The following PPP1R12A variants were observed in gnomAD, a reference collection of about 807,000 sequenced individuals.
The protein encoded by PPP1R12A is myosin binding subunit.
In PPP1R12A, 19 loss-of-function variants were observed where a neutral mutation model predicts 139.6. The observed-to-expected ratio is 0.14, with a 90% CI of 0.09 to 0.20. PPP1R12A has a LOEUF of 0.20. Among genes scored for constraint, PPP1R12A ranks in the 10% least tolerant of loss-of-function variants. The probability of loss-of-function intolerance (pLI) is 1.00; values close to 1 mark genes in which losing one functional copy is unlikely to be tolerated. For synonymous variants in PPP1R12A, 427 were observed against 420.6 expected (o/e 1.02, Z -0.19); for missense variants, 925 against 1,211.5 (o/e 0.76, Z 3.51).
At chr12:79,804,918 ATAGT>A (rs1447878307) in intron 14 of PPP1R12A, among the ~76,000 whole-genome samples, 1 of 152,224 alleles carries the variant, frequency 6.6e-6, no homozygotes, top group African/African-American at 2.4e-5. Context: ...ATCCCAAAAG[ATAGT>A]TAGTAAGCTC....
intron 3 of PPP1R12A, among the ~76,000 whole-genome samples, chr12:79,832,867 T>A (rs1422797449): frequency 1.3e-5 from 2 of 152,336 alleles, no homozygotes; most frequent in South Asian, 4.1e-4. Context: ...TGATCTGTTC[T>A]ATGAAATCTA....
At chr12:79,789,737 G>A in intron 20 of PPP1R12A, 1 of 414,254 alleles carries the variant, frequency 2.4e-6, no homozygotes, top group South Asian at 1.7e-5. Context: ...GGATATAGTG[G>A]AGGTTCTCTG....
At chr12:79,875,951 T>C (rs1883059863) in intron 1 of PPP1R12A, among the ~76,000 whole-genome samples, 1 of 152,102 alleles carries the variant, frequency 6.6e-6, no homozygotes, top group Admixed American at 6.6e-5. Context: ...CAAAAAAGGA[T>C]ATTAATGTCA....
chr12:79,806,001 C>T (rs1291024357), intron 13 of PPP1R12A, among the ~76,000 whole-genome samples, 165 bp downstream of exon 13: 1 of 152,110 alleles, frequency 6.6e-6, no homozygotes, highest in Non-Finnish European at 1.5e-5. Context: ...CTTAAAATTT[C>T]CCCCAGACAT....
intron 14 of PPP1R12A, among the ~76,000 whole-genome samples, chr12:79,799,439 C>T (rs902253135): frequency 2.6e-4 from 40 of 152,168 alleles, no homozygotes; most frequent in Non-Finnish European, 4.6e-4. Flanking sequence ...CGTGGGCCAC[C>T]GCGCCCGGTC....
chr12:79,848,220 T>C (rs777438724), intron 2 of PPP1R12A, among the ~76,000 whole-genome samples: 1 of 152,166 alleles, frequency 6.6e-6, no homozygotes, highest in African/African-American at 2.4e-5. Context: ...TGAAAATGTA[T>C]ATAAAACTAA....
chr12:79,863,662 A>C (rs1418676730), intron 2 of PPP1R12A, among the ~76,000 whole-genome samples: 1 of 148,542 alleles, frequency 6.7e-6, no homozygotes, highest in African/African-American at 2.5e-5. Flanking sequence ...AAAAAAAAAA[A>C]AAAAAAAAAG....
chr12:79,927,205 A>G (rs73350974), intron 1 of PPP1R12A, among the ~76,000 whole-genome samples: 12,025 of 152,080 alleles, frequency 0.079, 1,203 homozygotes, highest in African/African-American at 0.24. Flanking sequence ...ACACATACAC[A>G]CACCACACCC....
intron 24 of PPP1R12A, 30 bp from the exon 25 acceptor site, chr12:79,776,045 T>G: frequency 7.9e-7 from 1 of 1,267,114 alleles, no homozygotes; most frequent in Non-Finnish European, 1.1e-6. Flanking sequence ...AGATCAAGTT[T>G]TACCTTCAAT....
intron 2 of PPP1R12A, among the ~76,000 whole-genome samples, chr12:79,871,779 GA>G (rs777813885): frequency 2.0e-5 from 3 of 152,068 alleles, no homozygotes; most frequent in Non-Finnish European, 2.9e-5. Flanking sequence ...GATTGAGCGG[GA>G]AAAGTACAAA....
At chr12:79,895,324 A>G (rs138526345) in intron 1 of PPP1R12A, among the ~76,000 whole-genome samples, 16 of 148,896 alleles carry the variant, frequency 1.1e-4, no homozygotes, top group East Asian at 1.9e-4. Flanking sequence ...GGGTTCCTGG[A>G]AAAAAAAACA....
At chr12:79,779,258 TG>T in intron 23 of PPP1R12A, 1 of 1,182,556 alleles carries the variant, frequency 8.5e-7, no homozygotes, top group Non-Finnish European at 1.1e-6. Flanking sequence ...ATAAGCATTC[TG>T]GGGTGTTATG....
intron 9 of PPP1R12A, among the ~76,000 whole-genome samples, chr12:79,815,105 G>T (rs1341694136): frequency 6.6e-6 from 1 of 152,096 alleles, no homozygotes; most frequent in Non-Finnish European, 1.5e-5. Flanking sequence ...TTCAGTTAGG[G>T]CATTAGGTAT....
intron 1 of PPP1R12A, among the ~76,000 whole-genome samples, chr12:79,930,644 C>T (rs577009978): frequency 1.5e-4 from 23 of 152,108 alleles, no homozygotes; most frequent in East Asian, 1.4e-3. Flanking sequence ...TGGTGGCACA[C>T]GTCTGTAATC....
intron 1 of PPP1R12A, among the ~76,000 whole-genome samples, chr12:79,925,946 G>A (rs1446351996): frequency 6.6e-6 from 1 of 151,852 alleles, no homozygotes; most frequent in Non-Finnish European, 1.5e-5. Context: ...CTCTTTATTG[G>A]TAGAGACACC....
rs114476192 is a variant in PPP1R12A at position 79,886,882 on chromosome 12, C to T, written c.238-13944G>A. The stretch of plus-strand genomic sequence containing the variant: ...TTACATAGCTCTGTTATTTCCTTTA[C>T]TGATAAAAATCTATAAAGTAGTACA... On this transcript the variant is annotated intron_variant, in intron 1 of 24. Transcript: ENST00000450142. Among the ~76,000 whole-genome samples, 1,037 of 152,190 alleles carry T rather than the reference C, an allele frequency of 6.8e-3. 16 individuals carry two copies. The highest frequency in any genetic ancestry group is 0.024 in the African/African-American group (1,003 of 41,526).
At chr12:79,856,072 C>T (rs1031910231) in intron 2 of PPP1R12A, among the ~76,000 whole-genome samples, 4 of 152,152 alleles carry the variant, frequency 2.6e-5, no homozygotes, top group African/African-American at 7.2e-5. Context: ...TTCAGATCTG[C>T]TCTACTTCCA....
chr12:79,902,928 C>T (rs1030379702), intron 1 of PPP1R12A, among the ~76,000 whole-genome samples: 3 of 151,922 alleles, frequency 2.0e-5, no homozygotes, highest in African/African-American at 7.3e-5. Flanking sequence ...TTATCATTCC[C>T]GTGCATGCCC....
At chr12:79,811,140 TTAA>T (rs895781150) in intron 9 of PPP1R12A, among the ~76,000 whole-genome samples, 2 of 152,332 alleles carry the variant, frequency 1.3e-5, no homozygotes, top group African/African-American at 4.8e-5. Flanking sequence ...GCATAGGGTA[TTAA>T]TAATTTTTTA....
Sources: gnomAD v4.1 joint callset for allele counts (sites outside exome capture counted in the v4.1 genomes callset) on GRCh38, gnomAD v4.1.1 for gene constraint, MANE v1.5 for transcripts, NCBI Gene and HGNC (gene_info 2026-07-23, HGNC 2026-07-21) for gene names.